Variants in SLC27A6 observed in about 807,000 individuals in gnomAD.
SLC27A6 encodes solute carrier family 27 member 6, also known as long-chain fatty acid transport protein 6.
In SLC27A6, 74 loss-of-function variants were observed where a neutral mutation model predicts 63.9. The observed-to-expected ratio is 1.16, with a 90% CI of 0.96 to 1.40. The LOEUF (loss-of-function observed/expected upper bound fraction) is 1.40, where lower values mean the gene tolerates loss of function less well. Ranked by LOEUF, SLC27A6 falls within the 40% of genes most tolerant of loss-of-function variation. The pLI, the probability that SLC27A6 is intolerant of heterozygous loss-of-function variation, is 0.00. For missense variants in SLC27A6, 794 were observed against 732.9 expected, an observed-to-expected ratio of 1.08 and a Z score of -0.96; for synonymous variants, 287 against 260.8, an observed-to-expected ratio of 1.10 and a Z score of -0.97.
At position 129,010,028 on chromosome 5, in the gene SLC27A6, G is replaced by A. The variant is rs554714884; in HGVS notation, c.970-5857G>A. Among the ~76,000 whole-genome samples the A allele has an allele frequency of 3.7e-4, 57 of 152,274 alleles. 1 individual carries two copies. The highest frequency in any genetic ancestry group is 9.1e-4 in the African/African-American group (38 of 41,552). ...ACATGTTACGTGTTTTTAATAAATC[G>A]TATTTTTTAAAGGCGTCCCTGCTAA... On this transcript the variant is annotated intron_variant, in intron 4 of 9. Coordinates refer to ENST00000262462, the MANE Select transcript of SLC27A6 (RefSeq NM_001017372.3).
chr5:128,989,978 A>G (rs947906756), intron 3 of SLC27A6, among the ~76,000 whole-genome samples: 1 of 152,090 alleles, frequency 6.6e-6, no homozygotes, highest in Non-Finnish European at 1.5e-5. Flanking sequence ...AAAATGAATA[A>G]TATGTATATA....
chr5:129,028,088 A>AT (rs1752301931), intron 7 of SLC27A6, among the ~76,000 whole-genome samples: 1 of 152,206 alleles, frequency 6.6e-6, no homozygotes, highest in South Asian at 2.1e-4. Context: ...TAGTTATTTT[A>AT]TTTTTATGTA....
rs572997040 is a variant in SLC27A6 at position 128,985,366 on chromosome 5, T to A, written c.685+30T>A. ...GATCCAATTCTTTTGAAGGCTAAAA[T>A]GAATGCGAGAAATTTGCAAAGCAAC... is the stretch of plus-strand genomic sequence containing the variant. On this transcript the variant is annotated intron_variant, in intron 2 of 9. Coordinates refer to ENST00000262462, the MANE Select transcript of SLC27A6 (RefSeq NM_001017372.3). 41 of 1,594,644 alleles carry A rather than the reference T, an allele frequency of 2.6e-5. No homozygotes were observed. In the Admixed American group the frequency reaches 3.5e-4, roughly 14 times the overall value.
In SLC27A6 at chr5:129,027,231, G is replaced by A. The variant is rs1161169020; in HGVS notation, c.1354G>A (p.Val452Ile). The change falls in exon 7 of 10, where the codon GTT becomes ATT. Residue 452 changes from valine to isoleucine, a missense_variant. Coordinates refer to ENST00000262462, the MANE Select transcript of SLC27A6 (RefSeq NM_001017372.3). Reference protein sequence around the residue: ...KHTKDKLLCDVFKKGDVYLNT... With the variant: ...KHTKDKLLCDIFKKGDVYLNT... ...CACAAAAGACAAATTGCTTTGTGAT[G>A]TTTTTAAGAAGGGAGATGTTTACCT... 9 of 1,613,202 alleles carry A rather than the reference G, an allele frequency of 5.6e-6. No individual in the cohort carries two copies. Among genetic ancestry groups the A allele is most frequent in the African/African-American group, 1.3e-5 (1 of 74,860 alleles).
chr5:128,999,360 C>T (rs1458892601), intron 4 of SLC27A6, among the ~76,000 whole-genome samples: 2 of 152,028 alleles, frequency 1.3e-5, no homozygotes, highest in Non-Finnish European at 2.9e-5. Flanking sequence ...GCTTCAAAGT[C>T]TCTTCATTGC....
chr5:129,032,380 G>C (rs1752442158), intron 9 of SLC27A6, among the ~76,000 whole-genome samples: 1 of 152,040 alleles, frequency 6.6e-6, no homozygotes. Flanking sequence ...GGACTGGACA[G>C]GGAGAGCCTG....
At chr5:129,025,324 AAAAG>A (rs1412309173) in intron 6 of SLC27A6, among the ~76,000 whole-genome samples, 2 of 152,138 alleles carry the variant, frequency 1.3e-5, no homozygotes, top group African/African-American at 4.8e-5. Context: ...TGTGTCCTAA[AAAAG>A]AAAAAAAAAC....
At chr5:128,977,867 A>G (rs931627343) in intron 1 of SLC27A6, among the ~76,000 whole-genome samples, 5 of 152,256 alleles carry the variant, frequency 3.3e-5, no homozygotes, top group African/African-American at 1.2e-4. Context: ...CAAATTTTAA[A>G]TGATATAAAA....
chr5:128,969,842 A>C (rs1361961020), intron 1 of SLC27A6, among the ~76,000 whole-genome samples: 1 of 152,182 alleles, frequency 6.6e-6, no homozygotes, highest in East Asian at 1.9e-4. Context: ...GTCTTGTGCC[A>C]GTTTTCAAAG....
chr5:128,988,493 G>C (rs1390296826), intron 2 of SLC27A6, 107 bp from the exon 3 acceptor site: 2 of 826,602 alleles, frequency 2.4e-6, no homozygotes, highest in Non-Finnish European at 3.8e-6. Flanking sequence ...GTTGTTATCA[G>C]TATCATCTTC....
chr5:128,981,271 G>A (rs1750575847), intron 1 of SLC27A6, among the ~76,000 whole-genome samples: 1 of 152,080 alleles, frequency 6.6e-6, no homozygotes, highest in African/African-American at 2.4e-5. Flanking sequence ...CCTGAGGTCA[G>A]GAGCTCGAGA....
chr5:128,992,051 A>G (rs1476949689), intron 4 of SLC27A6, among the ~76,000 whole-genome samples: 2 of 151,494 alleles, frequency 1.3e-5, no homozygotes, highest in African/African-American at 4.8e-5. Context: ...ATCTTTTATT[A>G]TCTGATTATT....
intron 7 of SLC27A6, among the ~76,000 whole-genome samples, chr5:129,027,633 AG>A (rs544966899): frequency 4.5e-4 from 69 of 152,236 alleles, no homozygotes; most frequent in African/African-American, 1.6e-3. Flanking sequence ...ACAGAAAGCC[AG>A]TTTGGTCAAC....
chr5:128,986,517 C>T (rs1750792424), intron 2 of SLC27A6, among the ~76,000 whole-genome samples: 2 of 152,106 alleles, frequency 1.3e-5, no homozygotes, highest in Non-Finnish European at 2.9e-5. Context: ...ATTTTTCTTA[C>T]ATTTTAAAAA....
At chr5:128,967,565 A>G (rs17678874) in intron 1 of SLC27A6, among the ~76,000 whole-genome samples, 36,648 of 152,002 alleles carry the variant, frequency 0.24, 4,963 homozygotes, top group Middle Eastern at 0.33. Flanking sequence ...GGAAAAATAT[A>G]TTTATACCCT....
At chr5:128,970,085 G>A (rs1750079765) in intron 1 of SLC27A6, among the ~76,000 whole-genome samples, 1 of 147,538 alleles carries the variant, frequency 6.8e-6, no homozygotes. Context: ...TGCATGTGCT[G>A]AACAAGCCTT....
chr5:128,974,461 AAC>A (rs1274564622), intron 1 of SLC27A6, among the ~76,000 whole-genome samples: 2 of 152,240 alleles, frequency 1.3e-5, no homozygotes, highest in Non-Finnish European at 2.9e-5. Context: ...TATTTTGATT[AAC>A]AGATTTTGTA....
intron 4 of SLC27A6, among the ~76,000 whole-genome samples, chr5:129,014,289 G>A (rs549144971): frequency 9.2e-5 from 14 of 152,160 alleles, no homozygotes; most frequent in Non-Finnish European, 1.3e-4. Context: ...CTCTAGGTGT[G>A]TCTGAAGAAC....
rs927335247 is a variant in SLC27A6, at chr5:129,021,596, A to G, written c.1165-2024A>G. On this transcript the variant is annotated intron_variant, in intron 5 of 9. Transcript: ENST00000262462. ...GACCCCCTGCAGCTGTGCTCCAGAC[A>G]TGTACACATATACACATACATAAAC... is the stretch of plus-strand genomic sequence containing the variant. Among the ~76,000 whole-genome samples, 4 of 152,210 alleles carry G rather than the reference A, an allele frequency of 2.6e-5. No homozygotes were observed. The South Asian group carries it at 6.2e-4, about 24-fold the overall frequency.
Sources: gnomAD v4.1 joint callset for allele counts (sites outside exome capture counted in the v4.1 genomes callset) on GRCh38, gnomAD v4.1.1 for gene constraint, MANE v1.5 for transcripts, NCBI Gene and HGNC (gene_info 2026-07-23, HGNC 2026-07-21) for gene names.